C1QTNF3: variants seen among roughly 807,000 people sequenced by gnomAD.
C1QTNF3 encodes complement C1q tumor necrosis factor-related protein 3.
C1QTNF3 carries 26 observed loss-of-function variants against 32.6 expected under a neutral mutation model. That is an observed-to-expected ratio of 0.80 (90% confidence interval 0.58 to 1.11). The LOEUF (loss-of-function observed/expected upper bound fraction) is 1.11. Among genes scored for constraint, C1QTNF3 ranks in the 50% least tolerant of loss-of-function variants. The pLI is 0.00. For synonymous variants in C1QTNF3, 155 were observed against 146.0 expected (o/e 1.06, Z -0.44); for missense variants, 362 against 398.2 (o/e 0.91, Z 0.77).
the C1QTNF3 span, among the ~76,000 whole-genome samples, chr5:34,143,761 T>C: frequency 6.6e-6 from 1 of 152,164 alleles, no homozygotes; most frequent in African/African-American, 2.4e-5. Context: ...TAGACCAGCC[T>C]TACAAGAGGT....
chr5:34,065,360 T>C, the C1QTNF3 span, among the ~76,000 whole-genome samples: 1 of 152,076 alleles, frequency 6.6e-6, no homozygotes, highest in Non-Finnish European at 1.5e-5. Context: ...CCAGTCAGAA[T>C]GGCTATTAAA....
chr5:34,144,111 G>A, the C1QTNF3 span, among the ~76,000 whole-genome samples: 1 of 152,052 alleles, frequency 6.6e-6, no homozygotes, highest in Non-Finnish European at 1.5e-5. Context: ...AAAAAAAAGA[G>A]CAAGAATCAC....
At chr5:34,046,836 G>C (rs1293822178), upstream of C1QTNF3, among the ~76,000 whole-genome samples, 9 of 152,282 alleles carry the variant, frequency 5.9e-5, no homozygotes, top group African/African-American at 9.6e-5. Flanking sequence ...AGTCTGAAAA[G>C]ATTTAGTAAA....
the C1QTNF3 span, among the ~76,000 whole-genome samples, chr5:34,195,144 A>T: frequency 6.6e-6 from 1 of 151,616 alleles, no homozygotes; most frequent in East Asian, 1.9e-4. Flanking sequence ...TCATTATGCA[A>T]ATTACCCTGA....
the C1QTNF3 span, among the ~76,000 whole-genome samples, chr5:34,194,707 G>A: frequency 6.6e-6 from 1 of 152,296 alleles, no homozygotes; most frequent in Non-Finnish European, 1.5e-5. Context: ...GTTCCGTGAG[G>A]ATAGGAATAT....
At chr5:34,065,250 T>G in the C1QTNF3 span, among the ~76,000 whole-genome samples, 1 of 152,118 alleles carries the variant, frequency 6.6e-6, no homozygotes, top group Non-Finnish European at 1.5e-5. Context: ...CAGACACTTC[T>G]CAAAAGAAGA....
At chr5:34,130,403 C>T in the C1QTNF3 span, among the ~76,000 whole-genome samples, 2 of 151,016 alleles carry the variant, frequency 1.3e-5, no homozygotes, top group African/African-American at 4.9e-5. Flanking sequence ...AAGAAGAATG[C>T]CCATATAATT....
chr5:34,029,884 A>T (rs1024683664), intron 3 of C1QTNF3, among the ~76,000 whole-genome samples: 1 of 152,250 alleles, frequency 6.6e-6, no homozygotes, highest in Non-Finnish European at 1.5e-5. Flanking sequence ...TGTTCCCATC[A>T]TATTTAAAAG....
the C1QTNF3 span, chr5:34,200,443 T>C: frequency 1.3e-5 from 2 of 151,858 alleles, no homozygotes; most frequent in Non-Finnish European, 2.9e-5. Flanking sequence ...CATTTTCTTC[T>C]CTCTATTATG....
the C1QTNF3 span, among the ~76,000 whole-genome samples, chr5:34,235,225 C>T: frequency 6.6e-6 from 1 of 152,110 alleles, no homozygotes; most frequent in Non-Finnish European, 1.5e-5. Flanking sequence ...TCAACCTAAT[C>T]AGAAAAACCT....
rs1754543343 is a variant in C1QTNF3, at chr5:34,028,860, T to G, written c.594A>C (p.Ala198=). Residue 198 remains alanine (A), a synonymous_variant, in exon 4 of 6, where the codon GCA becomes GCC. Coordinates refer to ENST00000382065, the MANE Select transcript of C1QTNF3 (RefSeq NM_181435.6). ...CACTGTTCTGATTGCTGAAGTGGGT[T>G]GCCAGAGAAGCCATGAATGCAATCT... ...ELQIAFMASL[A]THFSNQNSGI... is the part of the protein sequence containing the mutation. The G allele has an allele frequency of 1.2e-6, 2 of 1,612,018 alleles. No homozygotes were observed. The highest frequency in any genetic ancestry group is 4.5e-5 in the East Asian group (2 of 44,762).
At chr5:34,196,044 C>G in the C1QTNF3 span, among the ~76,000 whole-genome samples, 1 of 152,284 alleles carries the variant, frequency 6.6e-6, no homozygotes, top group East Asian at 1.9e-4. Context: ...TGGCCATTTC[C>G]AATCTAGGAA....
chr5:34,154,515 A>G, the C1QTNF3 span, among the ~76,000 whole-genome samples: 1 of 152,336 alleles, frequency 6.6e-6, no homozygotes. Flanking sequence ...ACTAGTTTTC[A>G]GTCAAGTCAG....
At chr5:34,028,653 C>T in intron 4 of C1QTNF3, 101 bp downstream of exon 4, 1 of 1,029,140 alleles carries the variant, frequency 9.7e-7, no homozygotes, top group Non-Finnish European at 1.3e-6. Flanking sequence ...TCTTTCTCTC[C>T]CTCCCTTTCT....
At chr5:34,131,340 AAATT>A in the C1QTNF3 span, among the ~76,000 whole-genome samples, 2 of 151,710 alleles carry the variant, frequency 1.3e-5, no homozygotes, top group East Asian at 1.9e-4. Context: ...TTAATAAGAC[AAATT>A]ATTAGTCACA....
chr5:34,164,360 T>G, the C1QTNF3 span, among the ~76,000 whole-genome samples: 1 of 152,070 alleles, frequency 6.6e-6, no homozygotes, highest in Non-Finnish European at 1.5e-5. Context: ...GAATAAAACA[T>G]CATCTTTCAC....
chr5:34,077,931 T>C, the C1QTNF3 span, among the ~76,000 whole-genome samples: 2 of 151,766 alleles, frequency 1.3e-5, no homozygotes, highest in African/African-American at 4.9e-5. Flanking sequence ...ATTATTCAAA[T>C]ACAAAAGTGC....
the C1QTNF3 span, among the ~76,000 whole-genome samples, chr5:34,087,383 T>C: frequency 1.3e-5 from 2 of 152,202 alleles, no homozygotes; most frequent in African/African-American, 2.4e-5. Context: ...ACCTGTTTAC[T>C]GTTAAGCTAA....
At chr5:34,214,788 T>C in the C1QTNF3 span, among the ~76,000 whole-genome samples, 23 of 152,170 alleles carry the variant, frequency 1.5e-4, no homozygotes, top group Non-Finnish European at 2.2e-4. Flanking sequence ...CAATTGTAAA[T>C]GCATTATAAC....
Sources: gnomAD v4.1 joint callset for allele counts (sites outside exome capture counted in the v4.1 genomes callset) on GRCh38, gnomAD v4.1.1 for gene constraint, MANE v1.5 for transcripts, NCBI Gene and HGNC (gene_info 2026-07-23, HGNC 2026-07-21) for gene names.